Variants in RNF144A observed in about 807,000 individuals in gnomAD.
RNF144A encodes ring finger protein 144A.
In RNF144A, 11 loss-of-function variants were observed where a neutral mutation model predicts 38.7. The ratio of observed to expected loss-of-function variants is 0.28; its 90% CI spans 0.18 to 0.47. The LOEUF is 0.47. Ranked by LOEUF, RNF144A falls within the 20% of genes least tolerant of loss-of-function variation. RNF144A has a pLI of 0.99. For synonymous variants in RNF144A, 149 were observed against 143.9 expected (o/e 1.04, Z -0.25); for missense variants, 316 against 377.2 (o/e 0.84, Z 1.34).
chr2:7,009,690 G>A (rs930610151), intron 3 of RNF144A, among the ~76,000 whole-genome samples: 2 of 152,194 alleles, frequency 1.3e-5, no homozygotes, highest in African/African-American at 4.8e-5. Context: ...GGGCCATCCA[G>A]TGAGAGTTGC....
At chr2:6,926,842 A>G (rs1487945171) in intron 1 of RNF144A, among the ~76,000 whole-genome samples, 2 of 152,120 alleles carry the variant, frequency 1.3e-5, no homozygotes, top group East Asian at 1.9e-4. Context: ...TTAATCCATC[A>G]TTTGGCAAAA....
intron 1 of RNF144A, among the ~76,000 whole-genome samples, chr2:6,930,764 A>G (rs2103279449): frequency 6.6e-6 from 1 of 151,720 alleles, no homozygotes; most frequent in Admixed American, 6.6e-5. Flanking sequence ...GCAAATTTTT[A>G]TATTTTTTTT....
At position 6,941,910 on chromosome 2, in the gene RNF144A, G is replaced by A. The variant is rs1048566627; in HGVS notation, c.-12+763G>A. 1.3e-5 allele frequency among the ~76,000 whole-genome samples: 2 copies of A among 152,368 alleles called. No individual in the cohort carries two copies. The highest frequency in any genetic ancestry group is 4.8e-5 in the African/African-American group (2 of 41,588). On this transcript the variant is annotated intron_variant, in intron 2 of 8. Coordinates refer to ENST00000320892, the MANE Select transcript of RNF144A (RefSeq NM_014746.6). This position sits in a 1 kb window ranked among gnomAD's most constrained non-coding sequence, Gnocchi z 6.5. Reference sequence around the variant, plus strand: ...AGCACAGAGCTGTGAGCTGGGACTGGGCAGGGCATAGTGGGACCTGGCTGT... The same window carrying A: ...AGCACAGAGCTGTGAGCTGGGACTGAGCAGGGCATAGTGGGACCTGGCTGT...
intron 8 of RNF144A, among the ~76,000 whole-genome samples, chr2:7,034,046 G>A (rs1307852501): frequency 1.3e-5 from 2 of 152,132 alleles, no homozygotes; most frequent in African/African-American, 4.8e-5. Flanking sequence ...TTTATTTTCT[G>A]GTTCTGCTCC....
chr2:6,985,746 C>T (rs1360570267), intron 2 of RNF144A, among the ~76,000 whole-genome samples: 1 of 152,226 alleles, frequency 6.6e-6, no homozygotes, highest in Non-Finnish European at 1.5e-5. Context: ...CATCTCGGCT[C>T]ACTGCAAGCT....
intron 2 of RNF144A, among the ~76,000 whole-genome samples, chr2:6,948,206 G>T (rs900250528): frequency 2.0e-5 from 3 of 152,210 alleles, no homozygotes; most frequent in Non-Finnish European, 4.4e-5. Context: ...TACTCTGATG[G>T]TGCTGCAGGG....
At chr2:7,055,325 A>G (rs555577267) in intron 6 of RNF144A, among the ~76,000 whole-genome samples, 1 of 152,312 alleles carries the variant, frequency 6.6e-6, no homozygotes, top group Non-Finnish European at 1.5e-5. Context: ...GTTCATGCTC[A>G]GTATTGCATC....
At chr2:7,011,004 C>T (rs896105949) in intron 3 of RNF144A, among the ~76,000 whole-genome samples, 89 of 152,246 alleles carry the variant, frequency 5.8e-4, no homozygotes, top group African/African-American at 2.1e-3. Flanking sequence ...CATGAACATA[C>T]AAAGGAGAGG....
intron 1 of RNF144A, among the ~76,000 whole-genome samples, chr2:6,931,128 A>C (rs17659204): frequency 1.3e-5 from 2 of 152,256 alleles, no homozygotes; most frequent in African/African-American, 4.8e-5. Context: ...TGCCCGGCAG[A>C]GTCCAGAAGC....
At chr2:7,072,724 A>G (rs1674527015), downstream of RNF144A, among the ~76,000 whole-genome samples, 3 of 152,380 alleles carry the variant, frequency 2.0e-5, no homozygotes, top group South Asian at 6.2e-4. Flanking sequence ...GGTGTCAGGT[A>G]CAAAGCAAAC....
chr2:6,995,975 A>G (rs1669711321), intron 2 of RNF144A, among the ~76,000 whole-genome samples: 1 of 131,594 alleles, frequency 7.6e-6, no homozygotes, highest in Non-Finnish European at 1.8e-5. Flanking sequence ...GGGGATTATC[A>G]GCCCCCTCAT....
At chr2:6,987,457 GGTGGAGGGAGAAGCACAGGGCTCTGC>G (rs1669033655) in intron 2 of RNF144A, among the ~76,000 whole-genome samples, 2 of 152,296 alleles carry the variant, frequency 1.3e-5, no homozygotes, top group Admixed American at 1.3e-4. Context: ...GCTCTGATGG[GGTGGAGGGAGAAGCACAGGGCTCTGC>G]GTGGAGGTCG....
intron 2 of RNF144A, among the ~76,000 whole-genome samples, chr2:6,961,312 G>C (rs146678550): frequency 2.0e-5 from 3 of 151,956 alleles, no homozygotes; most frequent in African/African-American, 7.3e-5. Flanking sequence ...TATGTGCTAC[G>C]ACAATATGAC....
At chr2:6,947,027 GTTTCA>G in intron 2 of RNF144A, among the ~76,000 whole-genome samples, 1 of 152,160 alleles carries the variant, frequency 6.6e-6, no homozygotes, top group Non-Finnish European at 1.5e-5. Flanking sequence ...CAAGACTTGA[GTTTCA>G]TTTTTACAAT....
intron 2 of RNF144A, among the ~76,000 whole-genome samples, chr2:6,988,471 T>C (rs1298190161): frequency 6.6e-6 from 1 of 152,186 alleles, no homozygotes; most frequent in Non-Finnish European, 1.5e-5. Context: ...GGTTAGGAAT[T>C]TTATAGAATA....
chr2:6,998,863 A>T, intron 3 of RNF144A, among the ~76,000 whole-genome samples: 1 of 143,296 alleles, frequency 7.0e-6, no homozygotes, highest in African/African-American at 2.6e-5. Context: ...AACTGATCGA[A>T]TGGCTCCCCC....
intron 6 of RNF144A, among the ~76,000 whole-genome samples, chr2:7,060,171 CACTT>C (rs1673898346): frequency 6.6e-6 from 1 of 152,176 alleles, no homozygotes; most frequent in South Asian, 2.1e-4. Context: ...CTCCTCCTCT[CACTT>C]CTCTTCTTTG....
intron 3 of RNF144A, among the ~76,000 whole-genome samples, chr2:6,998,721 C>G (rs1669914876): frequency 6.6e-6 from 1 of 152,186 alleles, no homozygotes; most frequent in Non-Finnish European, 1.5e-5. Flanking sequence ...AGATTGATCT[C>G]CATCCTGTTA....
At chr2:6,933,863 C>A (rs555749716) in intron 1 of RNF144A, among the ~76,000 whole-genome samples, 2 of 152,118 alleles carry the variant, frequency 1.3e-5, no homozygotes, top group East Asian at 3.9e-4. Flanking sequence ...AGTCATATAG[C>A]TGTATTATTT....
Sources: allele counts gnomAD v4.1 joint callset (sites outside exome capture counted in the v4.1 genomes callset), GRCh38; gene constraint gnomAD v4.1.1; non-coding constraint Gnocchi (gnomAD v3.1); transcripts MANE v1.5; gene names NCBI Gene and HGNC (gene_info 2026-07-23, HGNC 2026-07-21).